The following ATP2B2 variants were observed in gnomAD, a reference collection of about 807,000 sequenced individuals.
The protein encoded by ATP2B2 is ATPase plasma membrane Ca2+ transporting 2, also known as plasma membrane calcium-transporting ATPase 2.
ATP2B2 carries 15 observed loss-of-function variants against 120.0 expected under a neutral mutation model. The observed-to-expected ratio is 0.12, with a 90% CI of 0.08 to 0.19. The LOEUF is 0.19. Ranked by LOEUF, ATP2B2 falls within the 10% of genes least tolerant of loss-of-function variation. The pLI is 1.00. For missense variants in ATP2B2, 1,045 were observed against 1,719.8 expected (o/e 0.61, Z 6.94); for synonymous variants, 694 against 700.3 (o/e 0.99, Z 0.14).
chr3:10,488,348 T>C (rs71623100), intron 1 of ATP2B2, among the ~76,000 whole-genome samples: 139,602 of 140,314 alleles, frequency 0.99, 69,447 homozygotes, highest in Admixed American at 1. Flanking sequence ...CATCCATCCA[T>C]TCACTCACCC....
At chr3:10,581,812 C>T (rs1559470050) in intron 2 of ATP2B2, among the ~76,000 whole-genome samples, 1 of 152,192 alleles carries the variant, frequency 6.6e-6, no homozygotes, top group East Asian at 1.9e-4. Flanking sequence ...AAACGGGGAG[C>T]ATCATGGGCT....
At chr3:10,345,110 G>A (rs902208024) in intron 18 of ATP2B2, among the ~76,000 whole-genome samples, 15 of 152,182 alleles carry the variant, frequency 9.9e-5, no homozygotes, top group Non-Finnish European at 2.9e-5. Context: ...CCTGCAGTGA[G>A]GGCCAGGCTG....
At chr3:10,555,591 A>G (rs2067760959) in intron 2 of ATP2B2, among the ~76,000 whole-genome samples, 1 of 152,198 alleles carries the variant, frequency 6.6e-6, no homozygotes, top group African/African-American at 2.4e-5. Flanking sequence ...CAATGCTCCA[A>G]CACATCTCTG....
At chr3:10,395,005 G>A (rs903176403) in intron 5 of ATP2B2, among the ~76,000 whole-genome samples, 1 of 152,176 alleles carries the variant, frequency 6.6e-6, no homozygotes, top group Admixed American at 6.5e-5. Context: ...TCTGGCTTCC[G>A]CCCTGCCCCT....
chr3:10,430,278 G>T (rs2063275581), intron 2 of ATP2B2, among the ~76,000 whole-genome samples: 1 of 152,184 alleles, frequency 6.6e-6, no homozygotes, highest in Admixed American at 6.5e-5. Flanking sequence ...GGCGATAGCT[G>T]CCATCCATAG....
chr3:10,683,760 GTATATATATATA>G (rs71055831), intron 1 of ATP2B2, among the ~76,000 whole-genome samples: 1,642 of 53,906 alleles, frequency 0.03, 176 homozygotes, highest in African/African-American at 0.074. Flanking sequence ...GTGTGTGTGT[GTATATATATATA>G]TATATATATA....
chr3:10,658,966 A>C (rs1183480589), intron 1 of ATP2B2, among the ~76,000 whole-genome samples: 2 of 152,202 alleles, frequency 1.3e-5, no homozygotes, highest in Non-Finnish European at 2.9e-5. Context: ...AAGAATTTTC[A>C]ACCCAGAATT....
intron 3 of ATP2B2, among the ~76,000 whole-genome samples, chr3:10,529,443 G>C (rs1007612848): frequency 2.0e-5 from 3 of 152,128 alleles, no homozygotes; most frequent in African/African-American, 7.2e-5. Context: ...AAACTTACAG[G>C]CTCTTTATGT....
chr3:10,411,490 C>A (rs186634429), intron 2 of ATP2B2, among the ~76,000 whole-genome samples: 2 of 152,204 alleles, frequency 1.3e-5, no homozygotes, highest in African/African-American at 4.8e-5. Flanking sequence ...TCCCTCCTGT[C>A]GAATGCCGCG....
In ATP2B2 at chr3:10,342,949, G is replaced by C; in HGVS notation, c.2720C>G (p.Ala907Gly). The C allele has an allele frequency of 6.2e-7, 1 of 1,613,812 alleles. No homozygotes were observed. Among genetic ancestry groups the C allele is most frequent in the Non-Finnish European group, 8.5e-7 (1 of 1,179,858 alleles). ...ACITQDSPLK[A>G]VQMLWVNLIM... The stretch of plus-strand genomic sequence containing the variant: ...GAGGTTCACCCAGAGCATCTGCACG[G>C]CCTTCAGAGGGGAGTCCTGGGGACG... The change falls in exon 19 of 23, where the codon GCC becomes GGC. Residue 907 changes from alanine (A) to glycine (G), a missense_variant. Ala to Gly is a moderately conservative substitution (Grantham distance 60, BLOSUM62 0). This residue lies in a region of ATP2B2 where 98 missense variants were observed against 266.7 expected (regional missense o/e 0.37). Coordinates refer to ENST00000360273, the MANE Select transcript of ATP2B2 (RefSeq NM_001001331.4). This position sits in a 1 kb window ranked among gnomAD's most constrained non-coding sequence, Gnocchi z 4.4.
At chr3:10,695,957 T>C (rs1420687567) in intron 1 of ATP2B2, among the ~76,000 whole-genome samples, 1 of 152,134 alleles carries the variant, frequency 6.6e-6, no homozygotes, top group East Asian at 1.9e-4. Context: ...GGTTGCAACA[T>C]ACAAAGTCCC....
chr3:10,394,011 T>C (rs2061946313), intron 5 of ATP2B2, among the ~76,000 whole-genome samples: 1 of 152,112 alleles, frequency 6.6e-6, no homozygotes, highest in African/African-American at 2.4e-5. Flanking sequence ...TTTTACAAAA[T>C]GGGGTTTCTG....
intron 2 of ATP2B2, among the ~76,000 whole-genome samples, chr3:10,572,969 T>A (rs2068160471): frequency 6.6e-6 from 1 of 152,200 alleles, no homozygotes; most frequent in African/African-American, 2.4e-5. Flanking sequence ...ATCTAATCAC[T>A]AATGATGGAA....
intron 2 of ATP2B2, among the ~76,000 whole-genome samples, chr3:10,420,687 C>T (rs2062947762): frequency 2.0e-5 from 3 of 152,150 alleles, no homozygotes. Context: ...TCACGTGCAG[C>T]CTGAGAATAA....
intron 1 of ATP2B2, among the ~76,000 whole-genome samples, chr3:10,673,354 A>G (rs962102635): frequency 1.3e-5 from 2 of 152,074 alleles, no homozygotes; most frequent in African/African-American, 4.8e-5. Context: ...TAGTTCTTCA[A>G]GGGTCCTCAC....
chr3:10,463,050 T>C (rs140401852), intron 1 of ATP2B2, among the ~76,000 whole-genome samples: 1 of 152,338 alleles, frequency 6.6e-6, no homozygotes, highest in East Asian at 1.9e-4. Context: ...TGCTTTTCCA[T>C]TAATCCAAAC....
intron 8 of ATP2B2, among the ~76,000 whole-genome samples, chr3:10,382,711 T>G (rs958728493): frequency 1.3e-5 from 2 of 152,108 alleles, no homozygotes; most frequent in African/African-American, 4.8e-5. Flanking sequence ...ATGTATTACA[T>G]AGTGACACAC....
At chr3:10,403,686 C>T (rs1289023424) in intron 3 of ATP2B2, among the ~76,000 whole-genome samples, 1 of 152,204 alleles carries the variant, frequency 6.6e-6, no homozygotes, top group African/African-American at 2.4e-5. Context: ...CAGTTCCCCT[C>T]CACGGGGGCC....
chr3:10,508,343 C>T (rs2066689599), upstream of ATP2B2, among the ~76,000 whole-genome samples: 1 of 152,242 alleles, frequency 6.6e-6, no homozygotes, highest in South Asian at 2.1e-4. Flanking sequence ...ATTCCACCAA[C>T]TGAGTTGGTT....
Sources: gnomAD v4.1 joint callset for allele counts (sites outside exome capture counted in the v4.1 genomes callset) on GRCh38, gnomAD v4.1.1 for gene constraint, gnomAD v4.1.1 regional missense constraint, Gnocchi (gnomAD v3.1) non-coding constraint, MANE v1.5 for transcripts, NCBI Gene and HGNC (gene_info 2026-07-23, HGNC 2026-07-21) for gene names.